Variants in SI observed in about 807,000 individuals in gnomAD.
SI encodes sucrase-isomaltase.
In SI, 235 loss-of-function variants were observed where a neutral mutation model predicts 253.3. That is an observed-to-expected ratio of 0.93 (90% CI 0.83 to 1.03). SI has a LOEUF of 1.03. SI is among the 50% of genes least tolerant of loss of function. The pLI, the probability that SI is intolerant of heterozygous loss-of-function variation, is 0.00. For synonymous variants in SI, 819 were observed against 712.0 expected (o/e 1.15, Z -2.39); for missense variants, 2,442 against 2,211.1 (o/e 1.10, Z -2.09).
At chr3:165,042,013 C>G (rs114988399) in intron 17 of SI, among the ~76,000 whole-genome samples, 3 of 152,086 alleles carry the variant, frequency 2.0e-5, no homozygotes, top group African/African-American at 7.2e-5. Context: ...AACCACCTTC[C>G]TTCCCTTCAT....
chr3:165,088,122 G>T, the SI span, among the ~76,000 whole-genome samples: 6 of 152,176 alleles, frequency 3.9e-5, no homozygotes, highest in Non-Finnish European at 1.5e-5. Context: ...GAGGAAGGTG[G>T]ATCACCTGAG....
upstream of SI, among the ~76,000 whole-genome samples, chr3:165,082,992 C>T (rs778397859): frequency 1.3e-5 from 2 of 151,766 alleles, no homozygotes; most frequent in African/African-American, 4.8e-5. Context: ...AACATAGTTG[C>T]CAGGTATCAT....
chr3:165,004,620 A>G (rs1718416774), intron 37 of SI, among the ~76,000 whole-genome samples: 1 of 152,180 alleles, frequency 6.6e-6, no homozygotes, highest in Non-Finnish European at 1.5e-5. Context: ...ATAAAAAAGA[A>G]TAAAATCCTG....
At position 165,069,136 on chromosome 3, in the gene SI, C is replaced by A. The variant is rs138564183; in HGVS notation, c.315G>T (p.Trp105Cys). Residue 105 changes from tryptophan to cysteine, a missense_variant, in exon 4 of 48, where the codon TGG (tryptophan) becomes TGT (cysteine). Physicochemically the swap from Trp to Cys is radical, Grantham distance 215 (BLOSUM62 -2). Transcript: ENST00000264382. The part of the protein sequence containing the change: ...WRPWNDSLIP[W>C]CFFVDNHGYN... ...AACCATGATTATCAACGAAGAAGCA[C>A]CAAGGAATAAGAGAGTCATTCCACG... 48 of 1,613,544 alleles carry A rather than the reference C, an allele frequency of 3.0e-5. No homozygotes were observed. The highest frequency in any genetic ancestry group is 4.1e-5 in the Non-Finnish European group (48 of 1,179,732).
intron 45 of SI, among the ~76,000 whole-genome samples, chr3:164,984,168 AC>A (rs1717329228): frequency 6.6e-6 from 1 of 152,168 alleles, no homozygotes; most frequent in African/African-American, 2.4e-5. Context: ...ATGTAAAAAA[AC>A]AAATAAGCAT....
intron 37 of SI, among the ~76,000 whole-genome samples, chr3:165,006,604 T>C (rs1161124207): frequency 2.0e-5 from 3 of 152,044 alleles, no homozygotes; most frequent in Non-Finnish European, 2.9e-5. Context: ...TGGAATAGTA[T>C]AGAAATTAGA....
In SI at chr3:164,987,023, T is replaced by A. The variant is rs1034933575; in HGVS notation, c.5197+115A>T. 1.3e-5 allele frequency: 11 copies of A among 838,516 alleles called. No homozygotes were observed. In the African/African-American group the frequency reaches 1.9e-4, roughly 14 times the overall value. 51.9% of individuals were successfully genotyped at this position (838,516 alleles called of 1,614,324 possible). A position where few individuals can be genotyped will look rare whatever the true frequency, so the allele number is the denominator to read the frequency against. Reference sequence around the variant, plus strand: ...GTGAATTTAGTAAAATCTTTTAGCCTTGAATAATATTAATAGCTTTGTACT... The same window carrying A: ...GTGAATTTAGTAAAATCTTTTAGCCATGAATAATATTAATAGCTTTGTACT... On this transcript the variant is annotated intron_variant, in intron 45 of 47. Coordinates refer to ENST00000264382, the MANE Select transcript of SI (RefSeq NM_001041.4).
chr3:165,060,131 A>G, intron 9 of SI, 104 bp from the exon 10 acceptor site: 3 of 977,224 alleles, frequency 3.1e-6, no homozygotes, highest in Non-Finnish European at 4.6e-6. Context: ...TCTAAAATTC[A>G]TTTAAGTTTA....
chr3:165,067,304 G>T (rs1262583011), intron 6 of SI, 36 bp downstream of exon 6: 2 of 1,407,566 alleles, frequency 1.4e-6, no homozygotes, highest in Non-Finnish European at 9.9e-7. Context: ...TATAATAATA[G>T]AATAAACTTA....
At position 165,020,552 on chromosome 3, in the gene SI, A is replaced by T. The variant is rs376644526; in HGVS notation, c.3254+677T>A. The stretch of plus-strand genomic sequence containing the variant: ...GCTTCCCATGCTTTTGAACAAAAAT[A>T]TTGTCATAACAACAAAATTATTAAA... On this transcript the variant is annotated intron_variant, in intron 27 of 47. Transcript: ENST00000264382. Among the ~76,000 whole-genome samples the T allele has an allele frequency of 7.9e-3, 1,205 of 151,832 alleles. 6 individuals carry two copies. Among genetic ancestry groups the T allele is most frequent in the Non-Finnish European group, 0.013 (888 of 67,764 alleles).
chr3:164,986,106 T>C (rs1344319019), intron 45 of SI, among the ~76,000 whole-genome samples: 5 of 152,180 alleles, frequency 3.3e-5, no homozygotes, highest in African/African-American at 9.6e-5. Flanking sequence ...GATTGGTTTC[T>C]GGACTACCTC....
intron 38 of SI, 63 bp from the exon 39 acceptor site, chr3:164,996,835 T>A: frequency 1.3e-6 from 1 of 783,064 alleles, no homozygotes; most frequent in South Asian, 2.1e-5. Context: ...TATTGTTTTT[T>A]ATTTCTATTT....
Position 164,987,118 on chromosome 3 carries a change from C to T in SI, c.5197+20G>A, listed in dbSNP as rs2108116718. On this transcript the variant is annotated intron_variant, in intron 45 of 47. Coordinates refer to ENST00000264382, the MANE Select transcript of SI (RefSeq NM_001041.4). Reference sequence around the variant, plus strand: ...AGAATACGACATCAATTAAATTTATCTACTAAATCGAGCACTCACCTATAC... The same window carrying T: ...AGAATACGACATCAATTAAATTTATTTACTAAATCGAGCACTCACCTATAC... The T allele has an allele frequency of 6.4e-7, 1 of 1,558,736 alleles. No individual in the cohort carries two copies. The highest frequency in any genetic ancestry group is 8.8e-7 in the Non-Finnish European group (1 of 1,130,062).
In SI at chr3:165,065,325, C is replaced by A. The variant is rs1381959972; in HGVS notation, c.743G>T (p.Arg248Ile). ...IYGIGEQVHK[R>I]FRHDLSWKTW... ...TTTCCAGGATAAATCATGACGAAAT[C>A]TCTTATGAACTTGTTCTCCAATACC... Residue 248 changes from arginine (R) to isoleucine (I), a missense_variant, in exon 7 of 48, where the codon AGA becomes ATA. By Grantham distance (97) the Arg-to-Ile change is moderately conservative. Coordinates refer to ENST00000264382, the MANE Select transcript of SI (RefSeq NM_001041.4). 6.2e-7 allele frequency: 1 copy of A among 1,607,088 alleles called. No homozygotes were observed.
At chr3:165,057,975 C>G (rs1016014566) in intron 12 of SI, among the ~76,000 whole-genome samples, 2 of 151,866 alleles carry the variant, frequency 1.3e-5, no homozygotes, top group Admixed American at 6.6e-5. Context: ...CCTATGGCTA[C>G]AGACATTCTT....
At chr3:165,039,041 AT>A in intron 20 of SI, 36 bp downstream of exon 20, 1 of 1,330,424 alleles carries the variant, frequency 7.5e-7, no homozygotes, top group South Asian at 1.2e-5. Flanking sequence ...TGAAAATATA[AT>A]ACTTGTGAGT....
intron 13 of SI, among the ~76,000 whole-genome samples, chr3:165,054,750 T>A (rs1406735870): frequency 2.0e-5 from 3 of 152,144 alleles, no homozygotes. Context: ...TTTTTATTTA[T>A]TCTCTTCCAT....
At chr3:165,085,593 A>G in the SI span, among the ~76,000 whole-genome samples, 1 of 152,218 alleles carries the variant, frequency 6.6e-6, no homozygotes, top group East Asian at 1.9e-4. Context: ...ATTCTAACCT[A>G]TCGGTATGTT....
At chr3:165,052,570 T>C (rs1250257787) in intron 13 of SI, among the ~76,000 whole-genome samples, 1 of 151,970 alleles carries the variant, frequency 6.6e-6, no homozygotes, top group Non-Finnish European at 1.5e-5. Flanking sequence ...GCAGGGAGAA[T>C]CTTTTGAACC....
Sources: gnomAD v4.1 joint callset for allele counts (sites outside exome capture counted in the v4.1 genomes callset) on GRCh38, gnomAD v4.1.1 for gene constraint, MANE v1.5 for transcripts, NCBI Gene and HGNC (gene_info 2026-07-23, HGNC 2026-07-21) for gene names.